The following CDH4 variants were observed in gnomAD, a reference collection of about 807,000 sequenced individuals.
CDH4 encodes the protein cadherin 4.
In CDH4, 33 loss-of-function variants were observed where a neutral mutation model predicts 86.0. The ratio of observed to expected loss-of-function variants is 0.38; its 90% CI spans 0.29 to 0.51. CDH4 has a LOEUF of 0.51. Ranked by LOEUF, CDH4 falls within the 20% of genes least tolerant of loss-of-function variation. The probability of loss-of-function intolerance (pLI) is 0.86; values close to 1 mark genes in which losing one functional copy is unlikely to be tolerated. For synonymous variants in CDH4, 555 were observed against 549.4 expected (o/e 1.01, Z -0.14); for missense variants, 1,114 against 1,307.4 (o/e 0.85, Z 2.28).
intron 2 of CDH4, among the ~76,000 whole-genome samples, chr20:61,333,055 G>A (rs1017753776): frequency 6.6e-6 from 1 of 152,216 alleles, no homozygotes; most frequent in African/African-American, 2.4e-5. Context: ...GTAAAGGGTG[G>A]CGCTTTTTGG....
At chr20:61,857,609 G>T (rs1360651885) in intron 6 of CDH4, among the ~76,000 whole-genome samples, 1 of 152,270 alleles carries the variant, frequency 6.6e-6, no homozygotes, top group Non-Finnish European at 1.5e-5. Context: ...GTCCACCCAA[G>T]CTTCGCCACT....
chr20:61,718,814 C>T (rs1374006928), intron 2 of CDH4: 2 of 471,118 alleles, frequency 4.2e-6, no homozygotes, highest in Non-Finnish European at 8.8e-6. Context: ...CTGCACCCAC[C>T]ATCCCGGGCT....
In CDH4 at chr20:61,255,066, G is replaced by A. The variant is rs557130503; in HGVS notation, c.169+129G>A. 3.3e-5 allele frequency: 22 copies of A among 663,880 alleles called. No homozygotes were observed. In the Admixed American group the frequency reaches 4.7e-4, roughly 14 times the overall value. 41.1% of individuals were successfully genotyped at this position (663,880 alleles called of 1,614,324 possible). On this transcript the variant is annotated intron_variant, in intron 2 of 15. Coordinates refer to ENST00000614565, the MANE Select transcript of CDH4 (RefSeq NM_001794.5). Reference sequence around the variant, plus strand: ...GTGAAATGATGGTGGTGAAGTCCACGAGGTGCAAATTGGTTGACCTGAAAG... The same window carrying A: ...GTGAAATGATGGTGGTGAAGTCCACAAGGTGCAAATTGGTTGACCTGAAAG...
At chr20:61,487,142 G>A (rs1366685458) in intron 2 of CDH4, among the ~76,000 whole-genome samples, 1 of 152,214 alleles carries the variant, frequency 6.6e-6, no homozygotes, top group African/African-American at 2.4e-5. Flanking sequence ...TCTAGGTCCA[G>A]TTTTATTTCT....
At chr20:61,617,295 T>G (rs2086733081) in intron 2 of CDH4, among the ~76,000 whole-genome samples, 1 of 152,140 alleles carries the variant, frequency 6.6e-6, no homozygotes, top group Admixed American at 6.5e-5. Flanking sequence ...CGCAGATGTG[T>G]CCCCAGCACC....
chr20:61,535,614 G>A lies in CDH4; in HGVS notation c.170-207949G>A, dbSNP rs566264330. Among the ~76,000 whole-genome samples, 45 of 152,336 alleles carry A rather than the reference G, an allele frequency of 3.0e-4. No homozygotes were observed. In the East Asian group the frequency reaches 8.1e-3, roughly 27 times the overall value. On this transcript the variant is annotated intron_variant, in intron 2 of 15. Coordinates refer to ENST00000614565, the MANE Select transcript of CDH4 (RefSeq NM_001794.5). ...CCTGGTGCAGGATGAAAACGCGGGG[G>A]CCTTCTTCAAAAAGCATTGGGACTT...
At chr20:61,845,259 T>C (rs1982387712) in intron 5 of CDH4, among the ~76,000 whole-genome samples, 3 of 152,334 alleles carry the variant, frequency 2.0e-5, no homozygotes, top group Middle Eastern at 6.8e-3. Context: ...TCACACCCTC[T>C]CTAGGCTGGG....
chr20:61,284,238 C>G (rs1306714873), intron 2 of CDH4, among the ~76,000 whole-genome samples: 2 of 151,888 alleles, frequency 1.3e-5, no homozygotes, highest in Admixed American at 1.3e-4. Flanking sequence ...TGCTTGAACC[C>G]GGGAGGCATA....
Position 61,516,927 on chromosome 20 carries a change from CTG to C in CDH4, c.170-226632_170-226631del, listed in dbSNP as rs1218817513. Among the ~76,000 whole-genome samples, 5 of 152,174 alleles carry C rather than the reference CTG, an allele frequency of 3.3e-5. No individual in the cohort carries two copies. The highest frequency in any genetic ancestry group is 1.2e-4 in the African/African-American group (5 of 41,440). On this transcript the variant is annotated intron_variant, in intron 2 of 15. Coordinates refer to ENST00000614565, the MANE Select transcript of CDH4 (RefSeq NM_001794.5). The surrounding 1 kb of genome is among the most constrained non-coding windows in gnomAD (Gnocchi z 4.0). ...AACTTTTCAACTCCTCCAGCGAGTC[CTG>C]TGTTTGTAACATGGGGTGTTTTCAA...
chr20:61,776,844 C>T (rs1211446506), intron 4 of CDH4, among the ~76,000 whole-genome samples: 1 of 152,208 alleles, frequency 6.6e-6, no homozygotes, highest in Non-Finnish European at 1.5e-5. Flanking sequence ...AGCCCAGTCA[C>T]ATGACCACGT....
At chr20:61,867,603 G>C (rs1275355951) in intron 6 of CDH4, among the ~76,000 whole-genome samples, 2 of 150,050 alleles carry the variant, frequency 1.3e-5, no homozygotes, top group African/African-American at 4.9e-5. Flanking sequence ...CCCAAGTAAA[G>C]TGGGGGATTC....
rs895685581 is a variant in CDH4, at chr20:61,807,530, C to T, written c.576+34348C>T. ...CTGGGAAGTTGCAGCCCTTTCTCCC[C>T]GTCAAGGTGCAGCTGTGTCCACCAT... is the stretch of plus-strand genomic sequence containing the variant. On this transcript the variant is annotated intron_variant, in intron 4 of 15. Transcript: ENST00000614565. The surrounding 1 kb of genome is among the most constrained non-coding windows in gnomAD (Gnocchi z 4.5). Among the ~76,000 whole-genome samples the T allele has an allele frequency of 9.8e-5, 15 of 152,322 alleles. No homozygotes were observed. Among genetic ancestry groups the T allele is most frequent in the East Asian group, 1.9e-4 (1 of 5,186 alleles).
chr20:61,459,197 C>T (rs62200876), intron 2 of CDH4, among the ~76,000 whole-genome samples: 52,182 of 151,558 alleles, frequency 0.34, 10,881 homozygotes, highest in Admixed American at 0.48. Context: ...GTGGCCATCC[C>T]CTTCTCCAGA....
chr20:61,469,759 G>T (rs1226814550), intron 2 of CDH4, among the ~76,000 whole-genome samples: 1 of 152,020 alleles, frequency 6.6e-6, no homozygotes, highest in African/African-American at 2.4e-5. Flanking sequence ...TAGGGATCTG[G>T]TTCTATTCTT....
chr20:61,771,803 TCAGA>T (rs1311038507), intron 3 of CDH4, among the ~76,000 whole-genome samples: 2 of 152,232 alleles, frequency 1.3e-5, no homozygotes, highest in Non-Finnish European at 2.9e-5. Flanking sequence ...GAATTCACTG[TCAGA>T]CATTCAGATT....
At chr20:61,375,894 G>A (rs2084867089) in intron 2 of CDH4, among the ~76,000 whole-genome samples, 2 of 151,612 alleles carry the variant, frequency 1.3e-5, no homozygotes, top group Admixed American at 1.3e-4. Context: ...TGATGGTGTG[G>A]TTTGTTGATG....
At chr20:61,759,215 A>G (rs2088603190) in intron 3 of CDH4, among the ~76,000 whole-genome samples, 1 of 152,232 alleles carries the variant, frequency 6.6e-6, no homozygotes, top group Non-Finnish European at 1.5e-5. Context: ...TTCTCAGACC[A>G]ATACGTTTGT....
chr20:61,819,612 G>T (rs769235103), intron 4 of CDH4, among the ~76,000 whole-genome samples: 2 of 152,218 alleles, frequency 1.3e-5, no homozygotes, highest in Non-Finnish European at 2.9e-5. Flanking sequence ...GTGTACACCA[G>T]TTATAAGAAA....
At chr20:61,537,974 G>A (rs911870424) in intron 2 of CDH4, among the ~76,000 whole-genome samples, 4 of 152,150 alleles carry the variant, frequency 2.6e-5, no homozygotes, top group South Asian at 2.1e-4. Flanking sequence ...AGGCCAACCC[G>A]GCCACATTGC....
Sources: gnomAD v4.1 joint callset for allele counts (sites outside exome capture counted in the v4.1 genomes callset) on GRCh38, gnomAD v4.1.1 for gene constraint, Gnocchi (gnomAD v3.1) non-coding constraint, MANE v1.5 for transcripts, NCBI Gene and HGNC (gene_info 2026-07-23, HGNC 2026-07-21) for gene names.